ATP8A2: variants seen among roughly 807,000 people sequenced by gnomAD.
ATP8A2 encodes the protein phospholipid-transporting ATPase IB.
A neutral mutation model predicts 165.6 loss-of-function variants in ATP8A2; 100 were observed. That is an observed-to-expected ratio of 0.60 (90% CI 0.51 to 0.71). The LOEUF is 0.71. ATP8A2 is among the 30% of genes least tolerant of loss of function. The probability of loss-of-function intolerance (pLI) is 0.00; values close to 1 mark genes in which losing one functional copy is unlikely to be tolerated. For synonymous variants in ATP8A2, 543 were observed against 548.8 expected, an observed-to-expected ratio of 0.99 and a Z score of 0.15; for missense variants, 1,227 against 1,479.5, an observed-to-expected ratio of 0.83 and a Z score of 2.80.
chr13:25,504,042 G>A (rs958530001), intron 2 of ATP8A2, among the ~76,000 whole-genome samples: 22 of 152,174 alleles, frequency 1.4e-4, no homozygotes, highest in Middle Eastern at 3.2e-3. Context: ...TCTGTCATGC[G>A]CATGGGTATG....
At chr13:25,595,006 ATG>A (rs1555227161) in intron 24 of ATP8A2, among the ~76,000 whole-genome samples, 1 of 140,444 alleles carries the variant, frequency 7.1e-6, no homozygotes, top group African/African-American at 2.6e-5. Flanking sequence ...ATATATATAT[ATG>A]TATGTATGCG....
At chr13:25,921,974 G>A (rs1185073128) in intron 33 of ATP8A2, among the ~76,000 whole-genome samples, 1 of 152,082 alleles carries the variant, frequency 6.6e-6, no homozygotes, top group Non-Finnish European at 1.5e-5. Flanking sequence ...AAAACCATTT[G>A]TTAGATTTTG....
intron 24 of ATP8A2, among the ~76,000 whole-genome samples, chr13:25,666,401 A>T (rs2042156130): frequency 6.6e-6 from 1 of 151,476 alleles, no homozygotes; most frequent in Non-Finnish European, 1.5e-5. Flanking sequence ...GTGTGTATGT[A>T]TGTGTATATA....
chr13:25,465,948 C>T (rs560888266), intron 1 of ATP8A2, among the ~76,000 whole-genome samples: 5 of 151,652 alleles, frequency 3.3e-5, no homozygotes, highest in Admixed American at 2.0e-4. Context: ...TCAGATGTTT[C>T]TTATGTCCAT....
At chr13:25,855,194 T>A (rs1430725812) in intron 30 of ATP8A2, among the ~76,000 whole-genome samples, 1 of 148,606 alleles carries the variant, frequency 6.7e-6, no homozygotes, top group Non-Finnish European at 1.5e-5. Context: ...GAGATTGCAG[T>A]GAGCAGAGAT....
chr13:25,498,588 C>T (rs1046994596), intron 2 of ATP8A2, among the ~76,000 whole-genome samples: 6 of 151,996 alleles, frequency 3.9e-5, no homozygotes, highest in African/African-American at 1.5e-4. Flanking sequence ...CTGTTAATAC[C>T]CTACCTCGGC....
In ATP8A2 at chr13:25,377,004, C is replaced by T. The variant is rs115026743; in HGVS notation, c.76+4716C>T. Among the ~76,000 whole-genome samples, 934 of 152,286 alleles carry T rather than the reference C, an allele frequency of 6.1e-3. 11 individuals are homozygous for T. Among genetic ancestry groups the T allele is most frequent in the African/African-American group, 0.021 (864 of 41,550 alleles). ...GGCCGTCTTCTACCCCACAGGTGGCCAATAAGCACCTCTGCGGACGCCTTC... is the reference window on the plus strand; with the variant it reads ...GGCCGTCTTCTACCCCACAGGTGGCTAATAAGCACCTCTGCGGACGCCTTC... On this transcript the variant is annotated intron_variant, in intron 1 of 36. Coordinates refer to ENST00000381655, the MANE Select transcript of ATP8A2 (RefSeq NM_016529.6).
chr13:25,774,865 A>G lies in ATP8A2; in HGVS notation c.2585A>G (p.Lys862Arg). The part of the protein sequence containing the change: ...YAIAQFSYLE[K>R]LLLVHGAWSY... ...CTTTTTCAGTTTTCCTACTTAGAGA[A>G]GCTTCTGTTGGTTCATGGAGCCTGG... Residue 862 changes from lysine to arginine, a missense_variant, in exon 27 of 37, where the codon AAG becomes AGG. Coordinates refer to ENST00000381655, the MANE Select transcript of ATP8A2 (RefSeq NM_016529.6). The G allele has an allele frequency of 6.2e-7, 1 of 1,611,696 alleles. No individual in the cohort carries two copies. The highest frequency in any genetic ancestry group is 8.5e-7 in the Non-Finnish European group (1 of 1,178,140).
chr13:25,462,389 A>G (rs1355576197), intron 1 of ATP8A2, among the ~76,000 whole-genome samples: 1 of 152,164 alleles, frequency 6.6e-6, no homozygotes, highest in Non-Finnish European at 1.5e-5. Flanking sequence ...CTCAGAAAAA[A>G]TGCTACACTT....
chr13:25,966,153 T>C (rs996158297), intron 34 of ATP8A2, among the ~76,000 whole-genome samples: 1 of 152,110 alleles, frequency 6.6e-6, no homozygotes, highest in Non-Finnish European at 1.5e-5. Context: ...TTTCACACTC[T>C]TGAGTCAGTA....
At chr13:25,570,930 C>A in intron 17 of ATP8A2, 58 bp downstream of exon 17, 1 of 1,284,532 alleles carries the variant, frequency 7.8e-7, no homozygotes, top group Non-Finnish European at 1.1e-6. Flanking sequence ...CTGGGTGTTG[C>A]AGTTATTCTT....
At chr13:25,897,583 C>G (rs1371020976) in intron 33 of ATP8A2, among the ~76,000 whole-genome samples, 1 of 152,118 alleles carries the variant, frequency 6.6e-6, no homozygotes, top group Non-Finnish European at 1.5e-5. Context: ...GTTGGCCTGC[C>G]TTGCTGGATT....
chr13:25,927,286 C>G (rs1482913406), intron 33 of ATP8A2: 1 of 451,704 alleles, frequency 2.2e-6, no homozygotes, highest in Non-Finnish European at 4.5e-6. Context: ...CTTTGTTGAA[C>G]AAAAGTCCAT....
At chr13:25,694,150 A>G (rs2042787289) in intron 24 of ATP8A2, among the ~76,000 whole-genome samples, 1 of 152,166 alleles carries the variant, frequency 6.6e-6, no homozygotes, top group Non-Finnish European at 1.5e-5. Flanking sequence ...GTCTATCCTC[A>G]TGTGTGCTGC....
At chr13:25,376,247 G>A (rs1252979433) in intron 1 of ATP8A2, among the ~76,000 whole-genome samples, 1 of 152,136 alleles carries the variant, frequency 6.6e-6, no homozygotes, top group South Asian at 2.1e-4. Context: ...AACAGAATAC[G>A]CTCATTGATT....
At chr13:25,644,748 T>A (rs1189400287) in intron 24 of ATP8A2, among the ~76,000 whole-genome samples, 1 of 152,182 alleles carries the variant, frequency 6.6e-6, no homozygotes, top group African/African-American at 2.4e-5. Flanking sequence ...GTGGTCTATT[T>A]AGATTTTCTA....
intron 35 of ATP8A2, among the ~76,000 whole-genome samples, chr13:25,971,254 G>A (rs182300893): frequency 1.4e-3 from 214 of 152,064 alleles, no homozygotes; most frequent in African/African-American, 1.7e-3. Context: ...TAATGGTGGC[G>A]TGCTGCTCTC....
rs61947330 is a variant in ATP8A2, at chr13:25,718,487, G to A, written c.2384+19142G>A. ...GGTTATGAGTGCTCACTGGCATACT[G>A]GTATACAACACTGAGAGCCAGTAGG... On this transcript the variant is annotated intron_variant, in intron 25 of 36. Coordinates refer to ENST00000381655, the MANE Select transcript of ATP8A2 (RefSeq NM_016529.6). Among the ~76,000 whole-genome samples, 193 of 152,134 alleles carry A rather than the reference G, an allele frequency of 1.3e-3. 1 individual carries two copies. Among genetic ancestry groups the A allele is most frequent in the Non-Finnish European group, 2.1e-3 (141 of 68,006 alleles).
chr13:25,885,174 G>A (rs1953106570), intron 33 of ATP8A2, among the ~76,000 whole-genome samples: 1 of 145,814 alleles, frequency 6.9e-6, no homozygotes, highest in African/African-American at 2.6e-5. Context: ...GTGCAGTGGT[G>A]CGATCTTAGC....
Sources: gnomAD v4.1 joint callset for allele counts (sites outside exome capture counted in the v4.1 genomes callset) on GRCh38, gnomAD v4.1.1 for gene constraint, MANE v1.5 for transcripts, NCBI Gene and HGNC (gene_info 2026-07-23, HGNC 2026-07-21) for gene names.